The following NCKAP5 variants were observed in gnomAD, a reference collection of about 807,000 sequenced individuals.
NCKAP5 encodes the protein nck-associated protein 5.
In NCKAP5, 92 loss-of-function variants were observed where a neutral mutation model predicts 167.0. The ratio of observed to expected loss-of-function variants is 0.55; its 90% CI spans 0.47 to 0.66. The LOEUF (loss-of-function observed/expected upper bound fraction) is 0.66. Ranked by LOEUF, NCKAP5 falls within the 30% of genes least tolerant of loss-of-function variation. The pLI, the probability that NCKAP5 is intolerant of heterozygous loss-of-function variation, is 0.00. For synonymous variants in NCKAP5, 891 were observed against 877.4 expected, an observed-to-expected ratio of 1.02 and a Z score of -0.27; for missense variants, 2,378 against 2,315.0, an observed-to-expected ratio of 1.03 and a Z score of -0.56.
rs370093377 is a variant in NCKAP5 at position 132,919,509 on chromosome 2, C to G, written c.580-40593G>C. ...GTCATTCACTGAACACGCAAACTAG[C>G]TAAAAGAAATTAATGTTAACACCAA... On this transcript the variant is annotated intron_variant, in intron 8 of 19. Coordinates refer to ENST00000409261, the MANE Select transcript of NCKAP5 (RefSeq NM_207363.3). Among the ~76,000 whole-genome samples the G allele has an allele frequency of 1.6e-4, 24 of 152,102 alleles. No individual in the cohort carries two copies. The South Asian group carries it at 5.0e-3, about 32-fold the overall frequency.
At chr2:132,841,182 C>A (rs11901063) in intron 11 of NCKAP5, among the ~76,000 whole-genome samples, 11,978 of 152,108 alleles carry the variant, frequency 0.079, 947 homozygotes, top group African/African-American at 0.19. Context: ...TCTTCTCAGA[C>A]ATGTATTCTT....
chr2:133,267,948 A>C (rs2089320378), intron 4 of NCKAP5, among the ~76,000 whole-genome samples: 1 of 152,226 alleles, frequency 6.6e-6, no homozygotes, highest in African/African-American at 2.4e-5. Context: ...AGCATGGAAG[A>C]ACACAACCAA....
intron 4 of NCKAP5, among the ~76,000 whole-genome samples, chr2:133,224,953 G>T (rs2086815522): frequency 6.6e-6 from 1 of 152,096 alleles, no homozygotes; most frequent in Non-Finnish European, 1.5e-5. Context: ...CTAGGTTTCT[G>T]AATGGGTATT....
At chr2:133,284,991 A>C (rs529050593) in intron 4 of NCKAP5, among the ~76,000 whole-genome samples, 53 of 152,302 alleles carry the variant, frequency 3.5e-4, no homozygotes, top group African/African-American at 1.2e-3. Context: ...ATGTGAGCCT[A>C]ATTACATGTT....
At chr2:133,021,788 G>A (rs541337725) in intron 6 of NCKAP5, among the ~76,000 whole-genome samples, 3 of 152,108 alleles carry the variant, frequency 2.0e-5, no homozygotes, top group South Asian at 2.1e-4. Context: ...ATGCCACCAC[G>A]CCTGGCTAAT....
intron 11 of NCKAP5, among the ~76,000 whole-genome samples, chr2:132,827,915 T>TA (rs1687245379): frequency 6.6e-6 from 1 of 152,202 alleles, no homozygotes; most frequent in Non-Finnish European, 1.5e-5. Context: ...TGGTTGACCC[T>TA]ATACCTGCTG....
At chr2:132,770,889 A>G (rs1014785097) in intron 16 of NCKAP5, among the ~76,000 whole-genome samples, 2 of 152,210 alleles carry the variant, frequency 1.3e-5, no homozygotes, top group Non-Finnish European at 1.5e-5. Context: ...TTGTAATGTC[A>G]TAGTGTAACC....
chr2:132,803,508 G>A (rs1257957025), intron 11 of NCKAP5, among the ~76,000 whole-genome samples: 1 of 152,184 alleles, frequency 6.6e-6, no homozygotes, highest in Non-Finnish European at 1.5e-5. Flanking sequence ...CCACTTCCAT[G>A]ACAGCCTGAT....
intron 3 of NCKAP5, among the ~76,000 whole-genome samples, chr2:133,463,776 C>A (rs1403035486): frequency 1.3e-5 from 2 of 152,214 alleles, no homozygotes; most frequent in Non-Finnish European, 2.9e-5. Context: ...TACATGGCAA[C>A]AACTCTTTAT....
At chr2:133,465,139 C>T (rs1369253185) in intron 3 of NCKAP5, among the ~76,000 whole-genome samples, 1 of 145,586 alleles carries the variant, frequency 6.9e-6, no homozygotes, top group Non-Finnish European at 1.5e-5. Context: ...GGTGTATCTC[C>T]CAGTGCTATC....
At chr2:133,104,244 T>C (rs1263042996) in intron 6 of NCKAP5, among the ~76,000 whole-genome samples, 1 of 152,140 alleles carries the variant, frequency 6.6e-6, no homozygotes, top group Non-Finnish European at 1.5e-5. Context: ...GTCAAAGAGA[T>C]GTGGCTACAA....
intron 3 of NCKAP5, among the ~76,000 whole-genome samples, chr2:133,508,688 T>C (rs946747455): frequency 1.3e-5 from 2 of 152,160 alleles, no homozygotes; most frequent in Non-Finnish European, 2.9e-5. Context: ...GAGTCTGCCA[T>C]GGGAACGATC....
chr2:132,849,755 T>G (rs1386635762), intron 11 of NCKAP5, among the ~76,000 whole-genome samples: 1 of 152,222 alleles, frequency 6.6e-6, no homozygotes, highest in Non-Finnish European at 1.5e-5. Flanking sequence ...ACTTCTCTCC[T>G]ACCTCTTTGG....
At chr2:133,380,036 C>G (rs2150944870) in intron 3 of NCKAP5, among the ~76,000 whole-genome samples, 1 of 152,026 alleles carries the variant, frequency 6.6e-6, no homozygotes, top group African/African-American at 2.4e-5. Context: ...ATTTTTGGCC[C>G]CTTTGAATCT....
intron 3 of NCKAP5, among the ~76,000 whole-genome samples, chr2:133,461,795 C>T (rs769038289): frequency 2.6e-5 from 4 of 152,128 alleles, no homozygotes; most frequent in African/African-American, 4.8e-5. Flanking sequence ...CTACTACTAC[C>T]GTGGAGTAGG....
At chr2:132,968,500 C>T (rs2076733736) in intron 7 of NCKAP5, among the ~76,000 whole-genome samples, 1 of 152,108 alleles carries the variant, frequency 6.6e-6, no homozygotes, top group African/African-American at 2.4e-5. Context: ...GCCTCAGTTT[C>T]CCCCAGAGAT....
intron 5 of NCKAP5, among the ~76,000 whole-genome samples, chr2:133,196,973 A>G (rs2085463149): frequency 6.6e-6 from 1 of 152,176 alleles, no homozygotes; most frequent in Non-Finnish European, 1.5e-5. Context: ...TTCAATCAGA[A>G]GAGTAAGAAA....
intron 11 of NCKAP5, among the ~76,000 whole-genome samples, chr2:132,801,947 T>C (rs1378502684): frequency 6.6e-6 from 1 of 152,152 alleles, no homozygotes; most frequent in Non-Finnish European, 1.5e-5. Context: ...CATTTGAGCC[T>C]TTGGCTATTT....
At chr2:133,190,751 A>G (rs1355292844) in intron 5 of NCKAP5, among the ~76,000 whole-genome samples, 1 of 152,138 alleles carries the variant, frequency 6.6e-6, no homozygotes, top group East Asian at 1.9e-4. Context: ...CCTTCCTTAC[A>G]CCTTATACAA....
Sources: gnomAD v4.1 joint callset for allele counts (sites outside exome capture counted in the v4.1 genomes callset) on GRCh38, gnomAD v4.1.1 for gene constraint, MANE v1.5 for transcripts, NCBI Gene and HGNC (gene_info 2026-07-23, HGNC 2026-07-21) for gene names.